Variants in NRP1 observed in about 807,000 individuals in gnomAD.
NRP1 encodes neuropilin-1.
In NRP1, 35 loss-of-function variants were observed where a neutral mutation model predicts 106.7. The ratio of observed to expected loss-of-function variants is 0.33; its 90% CI spans 0.25 to 0.43. The LOEUF (loss-of-function observed/expected upper bound fraction) is 0.43, where lower values mean the gene tolerates loss of function less well. Ranked by LOEUF, NRP1 falls within the 20% of genes least tolerant of loss-of-function variation. NRP1 has a pLI of 1.00. For missense variants in NRP1, 1,024 were observed against 1,170.4 expected (o/e 0.87, Z 1.83); for synonymous variants, 437 against 417.9 (o/e 1.05, Z -0.56).
At chr10:33,262,953 T>C (rs1842674092) in intron 4 of NRP1, among the ~76,000 whole-genome samples, 1 of 152,196 alleles carries the variant, frequency 6.6e-6, no homozygotes, top group East Asian at 1.9e-4. Context: ...TCTTTCATTG[T>C]TTTGCTTACC....
In NRP1 at chr10:33,221,873, G is replaced by GA. The variant is rs760512375; in HGVS notation, c.1138-11dup. On this transcript the variant is annotated splice_polypyrimidine_tract_variant and intron_variant, in intron 7 of 16. Transcript: ENST00000374867. ...TGTTTCCCTGAAAGAGCTGTATGGG[G>GA]AAAAAAAGTGCCTTTCTTTAGCAGA... 2.5e-6 allele frequency: 4 copies of GA among 1,593,178 alleles called. No homozygotes were observed. The highest frequency in any genetic ancestry group is 3.4e-5 in the Admixed American group (2 of 59,340).
At position 33,214,286 on chromosome 10, in the gene NRP1, T is replaced by C. The variant is rs143940985; in HGVS notation, c.1283-569A>G. 5.3e-4 allele frequency among the ~76,000 whole-genome samples: 80 copies of C among 152,278 alleles called. No individual in the cohort carries two copies. In the East Asian group the frequency reaches 0.015, roughly 28 times the overall value. ...CTCCCCACCCCTATTTCTAATTGCA[T>C]TGGGGACTTTCCACATGAATGTCTC... On this transcript the variant is annotated intron_variant, in intron 8 of 16. Coordinates refer to ENST00000374867, the MANE Select transcript of NRP1 (RefSeq NM_003873.7).
At chr10:33,258,748 A>G (rs1401555175) in intron 4 of NRP1, among the ~76,000 whole-genome samples, 1 of 152,136 alleles carries the variant, frequency 6.6e-6, no homozygotes, top group Admixed American at 6.6e-5. Context: ...GTAGTAATGC[A>G]ACACTTTTTT....
chr10:33,240,136 G>A (rs1020483593), intron 6 of NRP1, among the ~76,000 whole-genome samples: 20 of 152,198 alleles, frequency 1.3e-4, no homozygotes, highest in African/African-American at 4.6e-4. Context: ...AAGTCTTGGA[G>A]GTGGCTGTGC....
chr10:33,239,828 CAAGCATGACGTCCACAGGATGTTT>C (rs1424530349), intron 6 of NRP1, among the ~76,000 whole-genome samples: 2 of 152,172 alleles, frequency 1.3e-5, no homozygotes, highest in African/African-American at 4.8e-5. Flanking sequence ...AGGTTATTTG[CAAGCATGACGTCCACAGGATGTTT>C]ATGTATCAGA....
intron 1 of NRP1, 32 bp downstream of exon 1, chr10:33,334,260 AGCTGGGAGCCGGGGCGCC>A: frequency 1.3e-6 from 2 of 1,504,676 alleles, no homozygotes; most frequent in Non-Finnish European, 1.8e-6. Flanking sequence ...CGGGGCGGGC[AGCTGGGAGCCGGGGCGCC>A]GCTGTCACCC....
At chr10:33,203,509 A>G (rs1048128850) in intron 10 of NRP1, among the ~76,000 whole-genome samples, 26 of 152,064 alleles carry the variant, frequency 1.7e-4, no homozygotes, top group African/African-American at 5.3e-4. Flanking sequence ...TTAAAAAAAA[A>G]CAAAAAAACT....
chr10:33,261,557 G>A (rs913337711), intron 4 of NRP1, among the ~76,000 whole-genome samples: 2 of 152,006 alleles, frequency 1.3e-5, no homozygotes, highest in Admixed American at 1.3e-4. Flanking sequence ...CTGTTTATAT[G>A]GTAAAAGAGC....
At position 33,191,089 on chromosome 10, in the gene NRP1, C is replaced by G. The variant is rs1417857965; in HGVS notation, c.2062+1192G>C. On this transcript the variant is annotated intron_variant, in intron 13 of 16. Coordinates refer to ENST00000374867, the MANE Select transcript of NRP1 (RefSeq NM_003873.7). ...CCCAGGCTGGTCTCTAACTCTCTAA[C>G]TCAACTGATTCTCCTGTTCTGGCCT... Among the ~76,000 whole-genome samples, 2 of 152,158 alleles carry G rather than the reference C, an allele frequency of 1.3e-5. 1 individual carries two copies. The highest frequency in any genetic ancestry group is 1.3e-4 in the Admixed American group (2 of 15,272).
In NRP1 at chr10:33,189,910, C is replaced by T. The variant is rs576541231; in HGVS notation, c.2062+2371G>A. 1.6e-4 allele frequency among the ~76,000 whole-genome samples: 24 copies of T among 152,294 alleles called. 1 individual carries two copies. The South Asian group carries it at 4.8e-3, about 30-fold the overall frequency. On this transcript the variant is annotated intron_variant, in intron 13 of 16. Coordinates refer to ENST00000374867, the MANE Select transcript of NRP1 (RefSeq NM_003873.7). The stretch of plus-strand genomic sequence containing the variant: ...CAAGTAGTTCCTGCCTTTCAGATGT[C>T]GGGCTCACCCATCTCTCTACACAAA...
intron 6 of NRP1, among the ~76,000 whole-genome samples, chr10:33,244,708 C>T (rs1841289141): frequency 6.6e-6 from 1 of 152,136 alleles, no homozygotes; most frequent in Admixed American, 6.5e-5. Context: ...TTTTCAACCA[C>T]AATTCTTTAC....
chr10:33,231,575 G>A (rs1840132659), intron 6 of NRP1, among the ~76,000 whole-genome samples: 1 of 152,070 alleles, frequency 6.6e-6, no homozygotes, highest in South Asian at 2.1e-4. Context: ...GAATATTTAG[G>A]TATTGGATCT....
chr10:33,182,839 A>ACACACACACC, intron 15 of NRP1, 91 bp from the exon 16 acceptor site: 1 of 728,408 alleles, frequency 1.4e-6, no homozygotes, highest in African/African-American at 1.8e-5. Context: ...ACATGCACAC[A>ACACACACACC]CACACACACA....
At chr10:33,283,863 CA>C (rs1449718512) in intron 2 of NRP1, among the ~76,000 whole-genome samples, 1 of 152,186 alleles carries the variant, frequency 6.6e-6, no homozygotes, top group East Asian at 1.9e-4. Context: ...TATGACCACA[CA>C]AAGGTGCAGC....
At chr10:33,290,690 G>A (rs1397084874) in intron 2 of NRP1, among the ~76,000 whole-genome samples, 1 of 152,086 alleles carries the variant, frequency 6.6e-6, no homozygotes, top group Non-Finnish European at 1.5e-5. Context: ...AGTCTCTGTG[G>A]TTTGTGCACG....
At chr10:33,275,516 C>T (rs556353493) in intron 2 of NRP1, among the ~76,000 whole-genome samples, 263 of 151,674 alleles carry the variant, frequency 1.7e-3, no homozygotes, top group Non-Finnish European at 1.9e-3. Context: ...TGCAGTGAGC[C>T]GAGATGGCGC....
intron 8 of NRP1, among the ~76,000 whole-genome samples, chr10:33,215,575 A>G (rs1475066948): frequency 6.6e-6 from 1 of 152,226 alleles, no homozygotes; most frequent in Non-Finnish European, 1.5e-5. Context: ...AATCAAGAAC[A>G]TGTGCAAGAA....
At chr10:33,316,142 G>A (rs1052458486) in intron 2 of NRP1, among the ~76,000 whole-genome samples, 1 of 152,196 alleles carries the variant, frequency 6.6e-6, no homozygotes, top group Non-Finnish European at 1.5e-5. Context: ...GGGCAAGAAG[G>A]AGGAAAACCT....
chr10:33,183,335 T>TAA (rs1292348818), intron 15 of NRP1, among the ~76,000 whole-genome samples: 3 of 131,572 alleles, frequency 2.3e-5, no homozygotes, highest in East Asian at 2.2e-4. Context: ...ACAACAAATT[T>TAA]AAAAAAAAAA....
Sources: allele counts gnomAD v4.1 joint callset (sites outside exome capture counted in the v4.1 genomes callset), GRCh38; gene constraint gnomAD v4.1.1; transcripts MANE v1.5; gene names NCBI Gene and HGNC (gene_info 2026-07-23, HGNC 2026-07-21).